AGBL1: variants seen among roughly 807,000 people sequenced by gnomAD.
AGBL1 encodes cytosolic carboxypeptidase 4.
Under a neutral mutation model 118.9 loss-of-function variants are expected in AGBL1, and 130 were observed. The ratio of observed to expected loss-of-function variants is 1.09; its 90% CI spans 0.95 to 1.26. The LOEUF (loss-of-function observed/expected upper bound fraction) is 1.26, where lower values mean the gene tolerates loss of function less well. AGBL1 is among the 50% of genes most tolerant of loss of function. The pLI is 0.00. For missense variants in AGBL1, 1,584 were observed against 1,298.1 expected (o/e 1.22, Z -3.38); for synonymous variants, 555 against 478.9 (o/e 1.16, Z -2.08).
intron 21 of AGBL1, among the ~76,000 whole-genome samples, chr15:86,556,681 T>A (rs74637787): frequency 2.1e-3 from 319 of 152,296 alleles, no homozygotes; most frequent in African/African-American, 7.5e-3. Flanking sequence ...ATCCTGAACA[T>A]ATTGCAAATG....
chr15:86,904,014 A>G (rs2080247668), intron 22 of AGBL1, among the ~76,000 whole-genome samples: 1 of 152,148 alleles, frequency 6.6e-6, no homozygotes. Flanking sequence ...GTAGAAGCCT[A>G]GGCTCCCTGC....
At chr15:86,247,978 C>A in intron 7 of AGBL1, 99 bp downstream of exon 7, 1 of 1,434,060 alleles carries the variant, frequency 7.0e-7, no homozygotes, top group Non-Finnish European at 9.7e-7. Flanking sequence ...GGGAACGCCT[C>A]AGTCTATTTC....
intron 24 of AGBL1, among the ~76,000 whole-genome samples, chr15:87,011,013 C>T (rs2081554003): frequency 1.3e-5 from 2 of 152,194 alleles, no homozygotes; most frequent in Admixed American, 6.5e-5. Flanking sequence ...ACCCATTTTT[C>T]TCTTCTTGTT....
chr15:86,943,617 C>A (rs1182328636), intron 23 of AGBL1, among the ~76,000 whole-genome samples: 2 of 152,170 alleles, frequency 1.3e-5, no homozygotes, highest in Non-Finnish European at 2.9e-5. Flanking sequence ...GGGTTCTCTA[C>A]CCGGCCGGCA....
At chr15:86,592,357 G>C (rs2142353903) in intron 21 of AGBL1, among the ~76,000 whole-genome samples, 1 of 152,344 alleles carries the variant, frequency 6.6e-6, no homozygotes, top group Admixed American at 6.5e-5. Context: ...GCAAGTTTTA[G>C]AGCAGGAGTG....
intron 5 of AGBL1, among the ~76,000 whole-genome samples, chr15:86,195,202 CAG>C (rs2077782780): frequency 6.6e-6 from 1 of 152,134 alleles, no homozygotes; most frequent in South Asian, 2.1e-4. Flanking sequence ...ATAGGAAAGA[CAG>C]ATGTTAATCA....
intron 18 of AGBL1, among the ~76,000 whole-genome samples, chr15:86,437,966 T>C (rs566723126): frequency 6.6e-6 from 1 of 152,226 alleles, no homozygotes; most frequent in Admixed American, 6.5e-5. Flanking sequence ...AGTGCAATGG[T>C]GCAATCTCGG....
chr15:86,191,918 C>A (rs201612390), intron 5 of AGBL1, among the ~76,000 whole-genome samples: 4 of 144,612 alleles, frequency 2.8e-5, no homozygotes, highest in African/African-American at 5.1e-5. Flanking sequence ...AAAAAAAAAA[C>A]AAAAAAAACC....
At chr15:86,679,750 C>T (rs1027803594) in intron 22 of AGBL1, among the ~76,000 whole-genome samples, 2 of 152,048 alleles carry the variant, frequency 1.3e-5, no homozygotes, top group African/African-American at 4.8e-5. Context: ...ATTAATTTAA[C>T]AAAGTCCAGA....
chr15:86,637,733 A>G (rs182280662), intron 21 of AGBL1, among the ~76,000 whole-genome samples: 1 of 152,252 alleles, frequency 6.6e-6, no homozygotes, highest in East Asian at 1.9e-4. Context: ...AGGTAGAATC[A>G]ACAAGACTTG....
At chr15:86,776,424 A>G (rs60432557) in intron 22 of AGBL1, among the ~76,000 whole-genome samples, 127 of 152,084 alleles carry the variant, frequency 8.4e-4, no homozygotes, top group African/African-American at 2.9e-3. Context: ...TCAACCCCTC[A>G]TATTTTATTT....
intron 17 of AGBL1, among the ~76,000 whole-genome samples, chr15:86,320,626 G>A (rs547612153): frequency 1.8e-4 from 28 of 151,416 alleles, no homozygotes; most frequent in Non-Finnish European, 3.1e-4. Context: ...TATTATATGC[G>A]GTGATAGTGA....
intron 16 of AGBL1, among the ~76,000 whole-genome samples, chr15:86,288,279 T>G (rs2141749455): frequency 6.6e-6 from 1 of 152,278 alleles, no homozygotes; most frequent in East Asian, 1.9e-4. Flanking sequence ...ATCCATACCT[T>G]CTTAACTAAG....
chr15:86,418,514 T>C (rs1262213652), intron 18 of AGBL1, among the ~76,000 whole-genome samples: 5 of 152,194 alleles, frequency 3.3e-5, no homozygotes, highest in African/African-American at 4.8e-5. Context: ...AGAGACCCCA[T>C]ATTTCCCTGT....
At chr15:86,736,216 C>T (rs574296331) in intron 22 of AGBL1, among the ~76,000 whole-genome samples, 95 of 152,150 alleles carry the variant, frequency 6.2e-4, no homozygotes, top group African/African-American at 3.4e-4. Context: ...CCCATCTCTA[C>T]TAAAAATACA....
chr15:86,338,538 C>T (rs578171399), intron 17 of AGBL1, among the ~76,000 whole-genome samples: 6 of 152,202 alleles, frequency 3.9e-5, no homozygotes, highest in Admixed American at 2.0e-4. Context: ...AAGTGACCCC[C>T]GAAGAATCCT....
chr15:87,018,205 G>A (rs1583324), intron 24 of AGBL1, among the ~76,000 whole-genome samples: 93,439 of 151,864 alleles, frequency 0.62, 29,266 homozygotes, highest in South Asian at 0.72. Flanking sequence ...TCAGGATATC[G>A]TTCAGAACTT....
intron 17 of AGBL1, among the ~76,000 whole-genome samples, chr15:86,395,006 C>T (rs1404997105): frequency 2.6e-5 from 4 of 152,078 alleles, no homozygotes; most frequent in East Asian, 1.9e-4. Flanking sequence ...GGCAGGTGAC[C>T]GGCAGTTTGT....
At chr15:86,117,810 A>C (rs1413775494) in intron 1 of AGBL1, among the ~76,000 whole-genome samples, 1 of 152,178 alleles carries the variant, frequency 6.6e-6, no homozygotes, top group Non-Finnish European at 1.5e-5. Flanking sequence ...GAAGAACATC[A>C]TGGTTTTAAC....
Sources: allele counts gnomAD v4.1 joint callset (sites outside exome capture counted in the v4.1 genomes callset), GRCh38; gene constraint gnomAD v4.1.1; transcripts MANE v1.5; gene names NCBI Gene and HGNC (gene_info 2026-07-23, HGNC 2026-07-21).